The following ADGRV1 variants were observed in gnomAD, a reference collection of about 807,000 sequenced individuals.
The protein encoded by ADGRV1 is adhesion G protein-coupled receptor V1.
Under a neutral mutation model 596.2 loss-of-function variants are expected in ADGRV1, and 359 were observed. The observed-to-expected ratio is 0.60, with a 90% CI of 0.55 to 0.66. The LOEUF is 0.66. ADGRV1 is among the 30% of genes least tolerant of loss of function. The probability of loss-of-function intolerance (pLI) is 0.00; values close to 1 mark genes in which losing one functional copy is unlikely to be tolerated. For missense variants in ADGRV1, 7,274 were observed against 7,575.6 expected, an observed-to-expected ratio of 0.96 and a Z score of 1.48; for synonymous variants, 2,681 against 2,679.2, an observed-to-expected ratio of 1.00 and a Z score of -0.02.
intron 83 of ADGRV1, among the ~76,000 whole-genome samples, chr5:90,899,821 A>G (rs890690380): frequency 4.6e-5 from 7 of 152,138 alleles, no homozygotes; most frequent in Non-Finnish European, 7.4e-5. Flanking sequence ...CCTCACCTGA[A>G]GACTCTGATA....
Position 90,627,962 on chromosome 5 carries a change from A to ACACACACACG in ADGRV1, c.1238+186_1238+187insCACACACACG, listed in dbSNP as rs1554064823. ...CACACACACACACACACACACACACAAGAATATGTCATTTTTTCTACCATG... is the reference window on the plus strand; with the variant it reads ...CACACACACACACACACACACACACACACACACACGAGAATATGTCATTTTTTCTACCATG... On this transcript the variant is annotated intron_variant, in intron 7 of 89. Coordinates refer to ENST00000405460, the MANE Select transcript of ADGRV1 (RefSeq NM_032119.4). 13 of 407,012 alleles carry ACACACACACG rather than the reference A, an allele frequency of 3.2e-5. No homozygotes were observed. The East Asian group carries it at 4.9e-4, about 15-fold the overall frequency. 25.2% of individuals were successfully genotyped at this position (407,012 alleles called of 1,614,324 possible).
intron 86 of ADGRV1, among the ~76,000 whole-genome samples, chr5:91,086,821 T>C (rs1281666893): frequency 6.6e-6 from 1 of 152,186 alleles, no homozygotes; most frequent in Non-Finnish European, 1.5e-5. Context: ...CTATTTTCTT[T>C]CCTGTGAGTT....
At chr5:90,600,963 G>A (rs186192962) in intron 1 of ADGRV1, among the ~76,000 whole-genome samples, 8 of 151,844 alleles carry the variant, frequency 5.3e-5, no homozygotes, top group African/African-American at 9.7e-5. Context: ...CCGGCCGAGC[G>A]CAGTGGCTCA....
chr5:90,787,338 G>A (rs569827486), intron 67 of ADGRV1, among the ~76,000 whole-genome samples: 1 of 152,184 alleles, frequency 6.6e-6, no homozygotes, highest in African/African-American at 2.4e-5. Flanking sequence ...AGTAGATTTA[G>A]CATTTTTGCA....
rs1304788136 is a variant in ADGRV1 at position 90,976,833 on chromosome 5, A to T, written c.17974-8511A>T. The stretch of plus-strand genomic sequence containing the variant: ...CTTGCATTGTTTTTGCAGTCTGCTC[A>T]TCTCATGCCTAGAGTCACAGCTTAA... On this transcript the variant is annotated intron_variant, in intron 84 of 89. Coordinates refer to ENST00000405460, the MANE Select transcript of ADGRV1 (RefSeq NM_032119.4). Among the ~76,000 whole-genome samples, 6 of 152,328 alleles carry T rather than the reference A, an allele frequency of 3.9e-5. No individual in the cohort carries two copies. In the East Asian group the frequency reaches 9.6e-4, roughly 24 times the overall value.
chr5:91,111,611 T>C (rs1368242831), intron 87 of ADGRV1, among the ~76,000 whole-genome samples: 2 of 152,208 alleles, frequency 1.3e-5, no homozygotes, highest in Non-Finnish European at 2.9e-5. Flanking sequence ...GGACTAATTG[T>C]TTCAAGGCAC....
intron 87 of ADGRV1, among the ~76,000 whole-genome samples, 199 bp from the exon 88 acceptor site, chr5:91,149,831 C>CAAAAAA (rs59523008): frequency 7.1e-4 from 61 of 85,840 alleles, no homozygotes; most frequent in South Asian, 1.5e-3. Flanking sequence ...AACTCCAGCT[C>CAAAAAA]AAAAAAAAAA....
intron 83 of ADGRV1, among the ~76,000 whole-genome samples, chr5:90,936,419 A>G (rs922477465): frequency 3.3e-5 from 5 of 152,118 alleles, no homozygotes; most frequent in African/African-American, 1.2e-4. Flanking sequence ...ACATCAATTG[A>G]ATCTATAAAA....
intron 83 of ADGRV1, among the ~76,000 whole-genome samples, chr5:90,879,167 T>C (rs1769507813): frequency 6.6e-6 from 1 of 152,212 alleles, no homozygotes; most frequent in Non-Finnish European, 1.5e-5. Context: ...CTCACCTCCA[T>C]GGTTCCCCAC....
Position 90,927,477 on chromosome 5 carries a change from C to T in ADGRV1, c.17857-37938C>T, listed in dbSNP as rs556180886. Among the ~76,000 whole-genome samples, 13 of 152,040 alleles carry T rather than the reference C, an allele frequency of 8.6e-5. No individual in the cohort carries two copies. In the East Asian group the frequency reaches 9.7e-4, roughly 11 times the overall value. On this transcript the variant is annotated intron_variant, in intron 83 of 89. Coordinates refer to ENST00000405460, the MANE Select transcript of ADGRV1 (RefSeq NM_032119.4). ...GCAACCCCTGCCTTTTTTTGTTGTCCATTTGCTTAGTAGATCTTCCTCCAT... is the reference window on the plus strand; with the variant it reads ...GCAACCCCTGCCTTTTTTTGTTGTCTATTTGCTTAGTAGATCTTCCTCCAT...
At chr5:90,861,664 T>C (rs1467996698) in intron 82 of ADGRV1, among the ~76,000 whole-genome samples, 1 of 152,212 alleles carries the variant, frequency 6.6e-6, no homozygotes, top group Non-Finnish European at 1.5e-5. Flanking sequence ...TTATGCTTTG[T>C]AATTTGCATA....
rs148778635 is a variant in ADGRV1 at position 90,727,562 on chromosome 5, C to T, written c.10162-1107C>T. Among the ~76,000 whole-genome samples, 568 of 152,272 alleles carry T rather than the reference C, an allele frequency of 3.7e-3. 1 individual carries two copies. Among genetic ancestry groups the T allele is most frequent in the Non-Finnish European group, 6.3e-3 (428 of 68,024 alleles). ...AATGTTATTTCTGATTTTAAAACCA[C>T]TCAATGATTTGCAATTATACTTAGA... On this transcript the variant is annotated intron_variant, in intron 48 of 89. Transcript: ENST00000405460.
chr5:90,963,358 T>C (rs1467539537), intron 83 of ADGRV1, among the ~76,000 whole-genome samples: 2 of 152,060 alleles, frequency 1.3e-5, no homozygotes, highest in Non-Finnish European at 2.9e-5. Flanking sequence ...TTCTGACCTA[T>C]AATAAAGGTC....
intron 83 of ADGRV1, among the ~76,000 whole-genome samples, chr5:90,923,010 A>C (rs1357753655): frequency 6.8e-6 from 1 of 147,576 alleles, no homozygotes; most frequent in African/African-American, 2.4e-5. Context: ...ATTTTGTCTT[A>C]TCTAATGGTC....
intron 21 of ADGRV1, among the ~76,000 whole-genome samples, chr5:90,672,103 T>C (rs1561498102): frequency 6.6e-6 from 1 of 151,792 alleles, no homozygotes; most frequent in Non-Finnish European, 1.5e-5. Context: ...TCTGATGTCA[T>C]GTTCCACCCT....
chr5:90,881,984 A>G (rs995215730), intron 83 of ADGRV1, among the ~76,000 whole-genome samples: 1 of 152,174 alleles, frequency 6.6e-6, no homozygotes, highest in African/African-American at 2.4e-5. Context: ...GTTGGGGATT[A>G]CAGGTGTAAG....
In ADGRV1 at chr5:90,926,321, G is replaced by T. The variant is rs1263890697; in HGVS notation, c.17857-39094G>T. Among the ~76,000 whole-genome samples the T allele has an allele frequency of 3.3e-5, 5 of 151,604 alleles. 1 individual carries two copies. The highest frequency in any genetic ancestry group is 3.3e-4 in the Admixed American group (5 of 15,236). ...GCCACAATTTCAGCTCCTGTTATTG[G>T]TCTATTCAGAGATTCAACTTCTTCC... On this transcript the variant is annotated intron_variant, in intron 83 of 89. Coordinates refer to ENST00000405460, the MANE Select transcript of ADGRV1 (RefSeq NM_032119.4).
intron 1 of ADGRV1, among the ~76,000 whole-genome samples, chr5:90,597,189 A>G (rs185652214): frequency 1.3e-5 from 2 of 152,356 alleles, no homozygotes; most frequent in African/African-American, 2.4e-5. Context: ...TATTGCCACT[A>G]TAATCAAAAG....
intron 27 of ADGRV1, among the ~76,000 whole-genome samples, chr5:90,681,808 C>T (rs1203404639): frequency 7.4e-6 from 1 of 134,662 alleles, no homozygotes; most frequent in Non-Finnish European, 1.6e-5. Context: ...TTGCCTTCCT[C>T]CCTCCCTCCC....
Sources: gnomAD v4.1 joint callset for allele counts (sites outside exome capture counted in the v4.1 genomes callset) on GRCh38, gnomAD v4.1.1 for gene constraint, MANE v1.5 for transcripts, NCBI Gene and HGNC (gene_info 2026-07-23, HGNC 2026-07-21) for gene names.